The following RMDN2 variants were observed in gnomAD, a reference collection of about 807,000 sequenced individuals.
RMDN2 encodes the protein regulator of microtubule dynamics 2, also known as regulator of microtubule dynamics protein 2.
A neutral mutation model predicts 52.8 loss-of-function variants in RMDN2; 61 were observed. The observed-to-expected ratio is 1.16, with a 90% CI of 0.94 to 1.43. The LOEUF (loss-of-function observed/expected upper bound fraction) is 1.43. RMDN2 is among the 40% of genes most tolerant of loss of function. The pLI, the probability that RMDN2 is intolerant of heterozygous loss-of-function variation, is 0.00. For missense variants in RMDN2, 592 were observed against 475.3 expected (o/e 1.25, Z -2.28); for synonymous variants, 180 against 153.1 (o/e 1.18, Z -1.30).
chr2:38,029,318 C>T (rs901454586), intron 10 of RMDN2: 12 of 152,242 alleles, frequency 7.9e-5, no homozygotes, highest in Admixed American at 5.2e-4. Context: ...CATGCCCACT[C>T]ATGGAAATCT....
intron 10 of RMDN2, among the ~76,000 whole-genome samples, chr2:38,050,963 A>G (rs1485211068): frequency 1.3e-5 from 2 of 152,120 alleles, no homozygotes; most frequent in African/African-American, 4.8e-5. Context: ...AGGTTTCACC[A>G]TATTGGCCAG....
intron 2 of RMDN2, among the ~76,000 whole-genome samples, chr2:37,955,202 G>A (rs544803666): frequency 6.6e-6 from 1 of 152,076 alleles, no homozygotes; most frequent in South Asian, 2.1e-4. Flanking sequence ...ATCTTGCCTA[G>A]TTGCACTGGC....
chr2:37,932,927 C>G (rs1666937547), intron 2 of RMDN2, among the ~76,000 whole-genome samples: 1 of 151,096 alleles, frequency 6.6e-6, no homozygotes, highest in Non-Finnish European at 1.5e-5. Flanking sequence ...ACCCCCCCAC[C>G]TCCCTCCCGG....
chr2:37,981,157 A>C (rs1032704376), intron 4 of RMDN2, 126 bp from the exon 5 acceptor site: 14 of 703,956 alleles, frequency 2.0e-5, no homozygotes, highest in African/African-American at 1.8e-4. Context: ...TTCTTAAACA[A>C]AGTTGCCATG....
intron 6 of RMDN2, among the ~76,000 whole-genome samples, chr2:37,989,820 A>G (rs886954003): frequency 6.6e-6 from 1 of 152,170 alleles, no homozygotes; most frequent in Non-Finnish European, 1.5e-5. Context: ...ACTGTGACAA[A>G]AAGAATTAAA....
rs114403750 is a variant in RMDN2, at chr2:37,927,341, G to C, written c.-17+1916G>C. Among the ~76,000 whole-genome samples the C allele has an allele frequency of 3.4e-3, 525 of 152,284 alleles. 4 individuals carry two copies. Among genetic ancestry groups the C allele is most frequent in the African/African-American group, 0.012 (488 of 41,564 alleles). ...TCCCAGTTGGGTGATCACTGGGTAA[G>C]TGACTTGACACCTGTGTGCCTCAGT... On this transcript the variant is annotated intron_variant, in intron 1 of 10. Transcript: ENST00000354545.
At chr2:38,017,126 A>G in intron 10 of RMDN2, 60 bp from the exon 11 acceptor site, 1 of 1,096,594 alleles carries the variant, frequency 9.1e-7, no homozygotes, top group South Asian at 1.6e-5. Context: ...CTGTTTCAGC[A>G]TGCTAGAGTA....
chr2:38,055,846 T>A (rs1261422134), intron 10 of RMDN2, among the ~76,000 whole-genome samples: 1 of 152,194 alleles, frequency 6.6e-6, no homozygotes, highest in Non-Finnish European at 1.5e-5. Context: ...AATTTTATGA[T>A]TGATTTAGGC....
At chr2:38,006,982 G>A (rs577364564) in intron 10 of RMDN2, among the ~76,000 whole-genome samples, 2 of 152,052 alleles carry the variant, frequency 1.3e-5, no homozygotes, top group Non-Finnish European at 2.9e-5. Flanking sequence ...TTTGTCCTTG[G>A]TTCTGTTTAT....
intron 2 of RMDN2, among the ~76,000 whole-genome samples, chr2:37,934,388 T>C (rs1412251046): frequency 2.0e-5 from 3 of 152,096 alleles, no homozygotes; most frequent in Non-Finnish European, 4.4e-5. Context: ...TTCTGCTGGG[T>C]ATGGTGGTGA....
chr2:38,027,772 G>A (rs1405664126), intron 10 of RMDN2, among the ~76,000 whole-genome samples: 2 of 152,120 alleles, frequency 1.3e-5, no homozygotes, highest in Non-Finnish European at 2.9e-5. Context: ...TTAAAATTGG[G>A]AAACCTAATT....
chr2:37,998,064 C>T (rs112282689), intron 8 of RMDN2: 17 of 153,786 alleles, frequency 1.1e-4, no homozygotes, highest in African/African-American at 3.6e-4. Flanking sequence ...CAACTCTAAG[C>T]AGTAATATAT....
intron 2 of RMDN2, among the ~76,000 whole-genome samples, chr2:37,943,508 G>A (rs529479019): frequency 1.3e-5 from 2 of 152,296 alleles, no homozygotes; most frequent in Non-Finnish European, 2.9e-5. Flanking sequence ...CATGTCTCAT[G>A]TTGTTTTAGA....
intron 2 of RMDN2, among the ~76,000 whole-genome samples, chr2:37,960,287 G>A (rs1558473559): frequency 6.6e-6 from 1 of 152,070 alleles, no homozygotes; most frequent in Non-Finnish European, 1.5e-5. Flanking sequence ...AAGTCTCTTT[G>A]TAGGTCTCTA....
intron 10 of RMDN2, among the ~76,000 whole-genome samples, chr2:38,058,148 C>A (rs147510087): frequency 3.1e-4 from 47 of 152,294 alleles, no homozygotes; most frequent in African/African-American, 1.1e-3. Flanking sequence ...CCTCACATGC[C>A]TTGTTCTTTT....
intron 2 of RMDN2, among the ~76,000 whole-genome samples, chr2:37,968,332 T>TC (rs1671342205): frequency 6.7e-6 from 1 of 149,622 alleles, no homozygotes; most frequent in Non-Finnish European, 1.5e-5. Flanking sequence ...AATCCCAGCT[T>TC]GGGGGGCTGA....
intron 2 of RMDN2, among the ~76,000 whole-genome samples, chr2:37,933,554 G>A (rs920443212): frequency 1.4e-4 from 21 of 152,388 alleles, no homozygotes; most frequent in Non-Finnish European, 2.2e-4. Flanking sequence ...CGGATCGCTC[G>A]CGGTTAGGAG....
chr2:37,969,433 G>T (rs1158380238), intron 2 of RMDN2, among the ~76,000 whole-genome samples: 1 of 151,338 alleles, frequency 6.6e-6, no homozygotes, highest in East Asian at 1.9e-4. Flanking sequence ...TAAAACTTTT[G>T]TGAAATTTTT....
chr2:37,961,480 T>C (rs989180037), intron 2 of RMDN2, among the ~76,000 whole-genome samples: 5 of 151,858 alleles, frequency 3.3e-5, no homozygotes, highest in African/African-American at 1.2e-4. Context: ...TTGATTGATA[T>C]GGTTATTGAT....
Sources: gnomAD v4.1 joint callset for allele counts (sites outside exome capture counted in the v4.1 genomes callset) on GRCh38, gnomAD v4.1.1 for gene constraint, MANE v1.5 for transcripts, NCBI Gene and HGNC (gene_info 2026-07-23, HGNC 2026-07-21) for gene names.